FTO: variants seen among roughly 807,000 people sequenced by gnomAD.
The protein encoded by FTO is FTO alpha-ketoglutarate dependent dioxygenase.
A neutral mutation model predicts 63.9 loss-of-function variants in FTO; 47 were observed. The observed-to-expected ratio is 0.74, with a 90% CI of 0.58 to 0.94. FTO has a LOEUF of 0.94. Among genes scored for constraint, FTO ranks in the 40% least tolerant of loss-of-function variants. The pLI, the probability that FTO is intolerant of heterozygous loss-of-function variation, is 0.00. For synonymous variants in FTO, 207 were observed against 224.4 expected, an observed-to-expected ratio of 0.92 and a Z score of 0.69; for missense variants, 562 against 618.1, an observed-to-expected ratio of 0.91 and a Z score of 0.96.
intron 6 of FTO, 26 bp from the exon 7 acceptor site, chr16:53,888,806 C>T (rs753626309): frequency 2.0e-5 from 32 of 1,613,366 alleles, no homozygotes; most frequent in Non-Finnish European, 2.7e-5. Flanking sequence ...GTATTAAAAC[C>T]ACCATCTTCT....
chr16:53,970,996 A>G (rs1203676240), intron 8 of FTO, among the ~76,000 whole-genome samples: 2 of 152,202 alleles, frequency 1.3e-5, no homozygotes, highest in African/African-American at 4.8e-5. Flanking sequence ...ATATGTTTAG[A>G]TGTTTCCCTT....
At chr16:53,897,603 T>C (rs1038328792) in intron 7 of FTO, among the ~76,000 whole-genome samples, 3 of 152,226 alleles carry the variant, frequency 2.0e-5, no homozygotes, top group Non-Finnish European at 4.4e-5. Context: ...CAAATTTTAC[T>C]TGATGACATA....
chr16:53,843,943 C>T (rs1475022916), intron 3 of FTO, among the ~76,000 whole-genome samples: 1 of 151,956 alleles, frequency 6.6e-6, no homozygotes, highest in Non-Finnish European at 1.5e-5. Flanking sequence ...AGCCTCTACA[C>T]CTGGCCTATT....
chr16:53,976,835 G>A (rs1274797304), intron 8 of FTO, among the ~76,000 whole-genome samples: 1 of 152,066 alleles, frequency 6.6e-6, no homozygotes. Context: ...ATGTCTGGTA[G>A]CTGTTGAGTT....
At chr16:53,729,497 C>T (rs918064086) in intron 1 of FTO, among the ~76,000 whole-genome samples, 5 of 124,432 alleles carry the variant, frequency 4.0e-5, no homozygotes, top group East Asian at 3.9e-4. Flanking sequence ...ACTGAGACTC[C>T]GTATCGGGGG....
intron 8 of FTO, among the ~76,000 whole-genome samples, chr16:54,028,936 A>G (rs2084774090): frequency 1.3e-5 from 2 of 152,180 alleles, no homozygotes; most frequent in Admixed American, 1.3e-4. Context: ...TTAATTTATC[A>G]TAATCTTGTC....
chr16:53,715,122 C>T (rs971889432), intron 1 of FTO, among the ~76,000 whole-genome samples: 15 of 152,158 alleles, frequency 9.9e-5, no homozygotes, highest in African/African-American at 2.9e-4. Flanking sequence ...CTATTGAATA[C>T]GGACTATTAG....
chr16:53,879,359 A>C (rs1250875691), intron 5 of FTO, among the ~76,000 whole-genome samples: 1 of 152,186 alleles, frequency 6.6e-6, no homozygotes, highest in Non-Finnish European at 1.5e-5. Flanking sequence ...CCAGTGGAAC[A>C]GGCCACTCTA....
At chr16:53,888,723 C>T (rs1270745181) in intron 6 of FTO, 109 bp from the exon 7 acceptor site, 5 of 1,198,274 alleles carry the variant, frequency 4.2e-6, no homozygotes, top group African/African-American at 3.0e-5. Context: ...CACCTTTTCT[C>T]ATCCTATGGC....
intron 8 of FTO, chr16:54,070,700 TAG>T (rs1424392337): frequency 6.6e-6 from 1 of 152,194 alleles, no homozygotes; most frequent in Non-Finnish European, 1.5e-5. Flanking sequence ...GCAGCTAAAT[TAG>T]AGACTTTACA....
intron 8 of FTO, among the ~76,000 whole-genome samples, chr16:53,984,275 C>CA (rs1185637916): frequency 6.8e-6 from 1 of 147,994 alleles, no homozygotes; most frequent in Non-Finnish European, 1.5e-5. Flanking sequence ...TTTTAACCAT[C>CA]ACAAAGTAAT....
chr16:54,051,496 C>A (rs966807362), intron 8 of FTO, among the ~76,000 whole-genome samples: 6 of 152,172 alleles, frequency 3.9e-5, no homozygotes, highest in Non-Finnish European at 8.8e-5. Context: ...CGTGGATCTG[C>A]CCACCTCAAG....
intron 8 of FTO, among the ~76,000 whole-genome samples, chr16:54,082,833 A>C (rs1317633911): frequency 1.3e-5 from 2 of 152,192 alleles, no homozygotes; most frequent in African/African-American, 4.8e-5. Flanking sequence ...TTTAAAAACA[A>C]ACTTCCTGAG....
At chr16:53,850,848 C>T (rs1198104664) in intron 4 of FTO, among the ~76,000 whole-genome samples, 3 of 152,052 alleles carry the variant, frequency 2.0e-5, no homozygotes, top group African/African-American at 7.2e-5. Flanking sequence ...GTGATGGTTG[C>T]ACATCTCTGA....
chr16:53,728,538 T>C (rs1233899301), intron 1 of FTO, among the ~76,000 whole-genome samples: 1 of 152,206 alleles, frequency 6.6e-6, no homozygotes, highest in Non-Finnish European at 1.5e-5. Flanking sequence ...ATCATTTGGC[T>C]ATCATTAGGT....
At chr16:53,811,091 A>C (rs2078507716) in intron 2 of FTO, among the ~76,000 whole-genome samples, 2 of 152,186 alleles carry the variant, frequency 1.3e-5, no homozygotes, top group Admixed American at 1.3e-4. Flanking sequence ...CTGTTTGCCC[A>C]GCCTAGTTCA....
intron 8 of FTO, among the ~76,000 whole-genome samples, chr16:53,964,212 A>G (rs1443032706): frequency 1.3e-5 from 2 of 152,204 alleles, no homozygotes; most frequent in Admixed American, 6.5e-5. Flanking sequence ...GATAGTAAAT[A>G]TCTCAGATTT....
intron 7 of FTO, among the ~76,000 whole-genome samples, chr16:53,909,245 G>C (rs1047073884): frequency 2.6e-5 from 4 of 152,204 alleles, no homozygotes; most frequent in African/African-American, 9.6e-5. Flanking sequence ...TTTTTTAAAG[G>C]TTTAAGGTGT....
chr16:54,061,532 A>G (rs528278625), intron 8 of FTO: 1 of 152,212 alleles, frequency 6.6e-6, no homozygotes, highest in South Asian at 2.1e-4. Flanking sequence ...TGTTTAAAAA[A>G]ACTCAGACAG....
Sources: gnomAD v4.1 joint callset for allele counts (sites outside exome capture counted in the v4.1 genomes callset) on GRCh38, gnomAD v4.1.1 for gene constraint, MANE v1.5 for transcripts, NCBI Gene and HGNC (gene_info 2026-07-23, HGNC 2026-07-21) for gene names.